The following SUCLG1 variants were observed in gnomAD, a reference collection of about 807,000 sequenced individuals.
SUCLG1 encodes succinate--CoA ligase [ADP/GDP-forming] subunit alpha, mitochondrial.
SUCLG1 carries 26 observed loss-of-function variants against 37.3 expected under a neutral mutation model. That is an observed-to-expected ratio of 0.70 (90% CI 0.51 to 0.97). SUCLG1 has a LOEUF of 0.97. Ranked by LOEUF, SUCLG1 falls within the 50% of genes least tolerant of loss-of-function variation. SUCLG1 has a pLI of 0.00. For missense variants in SUCLG1, 433 were observed against 432.9 expected (o/e 1.00, Z 0.00); for synonymous variants, 163 against 155.6 (o/e 1.05, Z -0.36).
intron 2 of SUCLG1, among the ~76,000 whole-genome samples, chr2:84,444,210 G>A (rs1476049602): frequency 1.3e-5 from 2 of 152,030 alleles, no homozygotes; most frequent in Non-Finnish European, 2.9e-5. Context: ...TAGTATTGGG[G>A]GAAATTCAGC....
At chr2:84,448,455 CA>C (rs1262255772) in intron 2 of SUCLG1, among the ~76,000 whole-genome samples, 3 of 140,950 alleles carry the variant, frequency 2.1e-5, no homozygotes, top group Non-Finnish European at 4.5e-5. Context: ...TCTAGATTAC[CA>C]AAATACTGAA....
intron 5 of SUCLG1, among the ~76,000 whole-genome samples, chr2:84,438,390 T>TCAA (rs1672720150): frequency 6.6e-6 from 1 of 152,220 alleles, no homozygotes; most frequent in Non-Finnish European, 1.5e-5. Flanking sequence ...TTAAATATCA[T>TCAA]CAATTTGGAA....
chr2:84,456,442 G>C (rs948997181), intron 1 of SUCLG1, among the ~76,000 whole-genome samples: 2 of 152,136 alleles, frequency 1.3e-5, no homozygotes, highest in Admixed American at 6.5e-5. Context: ...CCAAAATTCT[G>C]AGGTTCAAAA....
chr2:84,459,239 T>A lies in SUCLG1; in HGVS notation c.31A>T (p.Ile11Phe). 6.4e-7 allele frequency: 1 copy of A among 1,550,654 alleles called. No homozygotes were observed. The highest frequency in any genetic ancestry group is 8.7e-7 in the Non-Finnish European group (1 of 1,146,852). Residue 11 changes from isoleucine to phenylalanine, a missense_variant, in exon 1 of 9, where the codon ATC becomes TTC. By Grantham distance (21) the Ile-to-Phe change is conservative. Coordinates refer to ENST00000393868, the MANE Select transcript of SUCLG1 (RefSeq NM_003849.4). MTATLAAAADIATMVSGSSGL... is the reference protein window; with the variant it reads MTATLAAAADFATMVSGSSGL... ...CTGCTGCCGGAGACCATGGTAGCGA[T>A]GTCAGCGGCAGCGGCAAGGGTTGCG...
intron 2 of SUCLG1, chr2:84,449,053 A>C (rs1672894693): frequency 4.0e-6 from 1 of 248,038 alleles, no homozygotes; most frequent in South Asian, 4.7e-5. Context: ...AAATCTATGA[A>C]AAGAACAGGA....
chr2:84,459,063 C>A, intron 1 of SUCLG1, 110 bp downstream of exon 1: 1 of 1,155,126 alleles, frequency 8.7e-7, no homozygotes, highest in Non-Finnish European at 1.2e-6. Context: ...GCTCCCAGGC[C>A]CCCGCCGAGG....
chr2:84,449,521 C>A, intron 2 of SUCLG1, 128 bp downstream of exon 2: 1 of 644,310 alleles, frequency 1.6e-6, no homozygotes, highest in Non-Finnish European at 2.6e-6. Context: ...TGAGATACAA[C>A]CCCATTGCTG....
At chr2:84,426,676 A>AG (rs1672540356) in intron 7 of SUCLG1, 2 of 151,318 alleles carry the variant, frequency 1.3e-5, no homozygotes, top group South Asian at 4.2e-4. Context: ...AAAAAAAAAA[A>AG]GATACCATAA....
At chr2:84,444,538 CCACA>C (rs1672819228) in intron 2 of SUCLG1, among the ~76,000 whole-genome samples, 1 of 152,148 alleles carries the variant, frequency 6.6e-6, no homozygotes, top group African/African-American at 2.4e-5. Flanking sequence ...GACCACAGGA[CCACA>C]GGACCGGGGC....
chr2:84,433,172 A>C, intron 6 of SUCLG1, 180 bp downstream of exon 6: 1 of 673,574 alleles, frequency 1.5e-6, no homozygotes, highest in Admixed American at 2.5e-5. Context: ...ATCTTGGACC[A>C]TGAATCTTGA....
intron 2 of SUCLG1, chr2:84,448,791 A>C (rs1351245975): frequency 5.8e-6 from 1 of 173,502 alleles, no homozygotes; most frequent in East Asian, 1.8e-4. Context: ...TTTTATAGAA[A>C]TATGGATTGT....
At chr2:84,444,878 C>T (rs749863815) in intron 2 of SUCLG1, among the ~76,000 whole-genome samples, 6 of 152,296 alleles carry the variant, frequency 3.9e-5, no homozygotes, top group Admixed American at 6.5e-5. Context: ...GGCTCTGTTC[C>T]GCCCGGCTCA....
chr2:84,455,627 A>T (rs2104270692), intron 1 of SUCLG1, among the ~76,000 whole-genome samples: 1 of 152,230 alleles, frequency 6.6e-6, no homozygotes, highest in Non-Finnish European at 1.5e-5. Flanking sequence ...CAATGTCAGG[A>T]GATCGAGACC....
At chr2:84,440,969 G>T in intron 5 of SUCLG1, 78 bp downstream of exon 5, 2 of 1,469,936 alleles carry the variant, frequency 1.4e-6, no homozygotes, top group African/African-American at 1.4e-5. Flanking sequence ...GATTTGCAAA[G>T]TCAAAAATTC....
At chr2:84,447,432 G>C (rs1672867081) in intron 2 of SUCLG1, among the ~76,000 whole-genome samples, 1 of 152,144 alleles carries the variant, frequency 6.6e-6, no homozygotes, top group South Asian at 2.1e-4. Flanking sequence ...AGACAGTTCT[G>C]AATAGTGCTT....
chr2:84,449,504 C>A, intron 2 of SUCLG1, 145 bp downstream of exon 2: 2 of 579,918 alleles, frequency 3.4e-6, no homozygotes, highest in Non-Finnish European at 3.0e-6. Context: ...AGCAACTAAC[C>A]TCCTCCTGAG....
At chr2:84,440,955 A>C in intron 5 of SUCLG1, 92 bp downstream of exon 5, 4 of 1,313,410 alleles carry the variant, frequency 3.0e-6, no homozygotes, top group Admixed American at 1.8e-5. Context: ...AATTAATTAA[A>C]CTTGATTTGC....
intron 3 of SUCLG1, among the ~76,000 whole-genome samples, chr2:84,442,473 T>C (rs573232057): frequency 1.3e-4 from 20 of 152,312 alleles, no homozygotes; most frequent in Admixed American, 3.9e-4. Flanking sequence ...TTCTTTTAAA[T>C]ACTATTAGTT....
chr2:84,433,063 C>A, intron 6 of SUCLG1: 1 of 462,060 alleles, frequency 2.2e-6, no homozygotes, highest in Non-Finnish European at 3.9e-6. Flanking sequence ...TATAAGGAAC[C>A]ATTTCTTCAG....
Sources: allele counts gnomAD v4.1 joint callset (sites outside exome capture counted in the v4.1 genomes callset), GRCh38; gene constraint gnomAD v4.1.1; transcripts MANE v1.5; gene names NCBI Gene and HGNC (gene_info 2026-07-23, HGNC 2026-07-21).